The following TBC1D32 variants were observed in gnomAD, a reference collection of about 807,000 sequenced individuals.
The protein encoded by TBC1D32 is TBC1 domain family member 32, also known as protein broad-minded.
TBC1D32 carries 151 observed loss-of-function variants against 170.3 expected under a neutral mutation model. The ratio of observed to expected loss-of-function variants is 0.89; its 90% CI spans 0.78 to 1.01. The LOEUF is 1.01. Among genes scored for constraint, TBC1D32 ranks in the 50% least tolerant of loss-of-function variants. The pLI is 0.00. For synonymous variants in TBC1D32, 498 were observed against 488.0 expected, an observed-to-expected ratio of 1.02 and a Z score of -0.27; for missense variants, 1,464 against 1,457.1, an observed-to-expected ratio of 1.00 and a Z score of -0.08.
intron 24 of TBC1D32, among the ~76,000 whole-genome samples, chr6:121,134,632 C>G (rs988653947): frequency 1.3e-5 from 2 of 152,028 alleles, no homozygotes; most frequent in Non-Finnish European, 2.9e-5. Flanking sequence ...CTTCCCCCAG[C>G]CACCATTGAG....
chr6:121,186,583 C>T (rs1168252706), intron 22 of TBC1D32, among the ~76,000 whole-genome samples: 1 of 151,994 alleles, frequency 6.6e-6, no homozygotes, highest in African/African-American at 2.4e-5. Context: ...ACTGTACTAA[C>T]TAACCATATT....
upstream of TBC1D32, chr6:121,334,527 G>A: frequency 7.1e-7 from 1 of 1,405,674 alleles, no homozygotes; most frequent in Non-Finnish European, 9.5e-7. Flanking sequence ...CCCCGGCTAC[G>A]TGCGGCGTCG....
chr6:121,307,961 T>A lies in TBC1D32; in HGVS notation c.690+15A>T, dbSNP rs1253452160. 6.2e-7 allele frequency: 1 copy of A among 1,604,844 alleles called. No homozygotes were observed. The highest frequency in any genetic ancestry group is 8.5e-7 in the Non-Finnish European group (1 of 1,176,974). On this transcript the variant is annotated intron_variant, in intron 5 of 31. Coordinates refer to ENST00000398212, the MANE Select transcript of TBC1D32 (RefSeq NM_152730.6). ...AAACAAATTATTTTTAATATTTCTA[T>A]AACCATTTTCTTACACTAAACACAG...
intron 22 of TBC1D32, among the ~76,000 whole-genome samples, chr6:121,199,132 T>C (rs954404555): frequency 6.6e-6 from 1 of 151,414 alleles, no homozygotes; most frequent in South Asian, 2.1e-4. Flanking sequence ...AATGTGCCTA[T>C]CCTTTGACTT....
Position 121,252,123 on chromosome 6 carries a change from C to T in TBC1D32, c.2018+3205G>A, listed in dbSNP as rs529173086. Among the ~76,000 whole-genome samples, 10 of 152,120 alleles carry T rather than the reference C, an allele frequency of 6.6e-5. No homozygotes were observed. The South Asian group carries it at 8.3e-4, about 13-fold the overall frequency. ...AATAGGGACGATTTTACACTGTTGG[C>T]GGGAGTGTAAATTAGTTCAACCATT... On this transcript the variant is annotated intron_variant, in intron 17 of 31. Coordinates refer to ENST00000398212, the MANE Select transcript of TBC1D32 (RefSeq NM_152730.6).
At chr6:121,179,686 G>A (rs1170957308) in intron 22 of TBC1D32, among the ~76,000 whole-genome samples, 2 of 152,044 alleles carry the variant, frequency 1.3e-5, no homozygotes, top group Non-Finnish European at 2.9e-5. Flanking sequence ...TAAACATTAT[G>A]TAACAATTTA....
At chr6:121,188,780 A>C (rs1042564320) in intron 22 of TBC1D32, among the ~76,000 whole-genome samples, 4 of 152,120 alleles carry the variant, frequency 2.6e-5, no homozygotes, top group African/African-American at 9.7e-5. Flanking sequence ...TTACTTCAAT[A>C]AAAATAAAAA....
rs1289090935 is a variant in TBC1D32 at position 121,334,436 on chromosome 6, T to G, written c.-6A>C. 1 of 1,612,606 alleles carries G rather than the reference T, an allele frequency of 6.2e-7. No individual in the cohort carries two copies. Among genetic ancestry groups the G allele is most frequent in the Admixed American group, 1.7e-5 (1 of 59,782 alleles). Reference sequence around the variant, plus strand: ...TCGCTGGAGAAATGGGCCATCCTGTTGGAATCAAACGTCCACTCTCATTAC... The same window carrying G: ...TCGCTGGAGAAATGGGCCATCCTGTGGGAATCAAACGTCCACTCTCATTAC... On this transcript the variant is annotated 5_prime_UTR_variant, in exon 1 of 32. Transcript: ENST00000398212.
chr6:121,085,348 TAC>T (rs1390229413), intron 31 of TBC1D32, among the ~76,000 whole-genome samples: 1 of 113,128 alleles, frequency 8.8e-6, no homozygotes, highest in Admixed American at 9.5e-5. Flanking sequence ...TATATATACA[TAC>T]ATATATATAC....
chr6:121,186,818 C>T (rs1259551396), intron 22 of TBC1D32, among the ~76,000 whole-genome samples: 1 of 151,840 alleles, frequency 6.6e-6, no homozygotes, highest in African/African-American at 2.4e-5. Context: ...AGGGTAAGGC[C>T]ATTTTTGTTG....
intron 15 of TBC1D32, among the ~76,000 whole-genome samples, chr6:121,271,779 G>C (rs1036784366): frequency 2.0e-5 from 3 of 151,992 alleles, no homozygotes; most frequent in African/African-American, 7.3e-5. Flanking sequence ...AGTTCATATG[G>C]AATCAAAAAA....
chr6:121,201,806 G>A (rs769857270), intron 22 of TBC1D32, among the ~76,000 whole-genome samples: 4 of 150,846 alleles, frequency 2.7e-5, no homozygotes, highest in South Asian at 2.1e-4. Context: ...AATAATGACC[G>A]TTTTAGAATT....
rs1800911395 is a variant in TBC1D32 at position 121,268,781 on chromosome 6, A to AGTATCTT, written c.1733+10339_1733+10340insAAGATAC. On this transcript the variant is annotated intron_variant, in intron 15 of 31. Transcript: ENST00000398212. ...GAGAACACCACAAAGATACTCCTCA[A>AGTATCTT]GAAGAGCAACTGCAAGACACATAAT... Among the ~76,000 whole-genome samples, 3 of 152,184 alleles carry AGTATCTT rather than the reference A, an allele frequency of 2.0e-5. 1 individual carries two copies. The South Asian group carries it at 6.2e-4, about 31-fold the overall frequency.
intron 31 of TBC1D32, among the ~76,000 whole-genome samples, chr6:121,085,120 T>C: frequency 6.6e-6 from 1 of 151,044 alleles, no homozygotes; most frequent in Non-Finnish European, 1.5e-5. Context: ...TAGAAAGCTC[T>C]TGAGAGAAGG....
intron 27 of TBC1D32, among the ~76,000 whole-genome samples, chr6:121,113,553 T>C (rs1779406574): frequency 6.6e-6 from 1 of 152,262 alleles, no homozygotes. Flanking sequence ...GGTACTTCCC[T>C]CAGGGGCCAC....
At chr6:121,182,803 T>C (rs1042649604) in intron 22 of TBC1D32, among the ~76,000 whole-genome samples, 5 of 151,068 alleles carry the variant, frequency 3.3e-5, no homozygotes, top group African/African-American at 1.2e-4. Context: ...TTCCCAATTA[T>C]GAAAAAAAAT....
At chr6:121,142,734 A>G (rs1340971721) in intron 24 of TBC1D32, among the ~76,000 whole-genome samples, 2 of 152,166 alleles carry the variant, frequency 1.3e-5, no homozygotes, top group Non-Finnish European at 2.9e-5. Context: ...TCTGAGAAAG[A>G]AGTCCTCATT....
chr6:121,198,507 T>C (rs1467738431), intron 22 of TBC1D32, among the ~76,000 whole-genome samples: 1 of 150,420 alleles, frequency 6.6e-6, no homozygotes, highest in Non-Finnish European at 1.5e-5. Flanking sequence ...ATCCCAGCAC[T>C]TTGGGAGGCC....
intron 5 of TBC1D32, 45 bp from the exon 6 acceptor site, chr6:121,304,878 A>C (rs1245578004): frequency 3.9e-6 from 5 of 1,269,394 alleles, no homozygotes; most frequent in Middle Eastern, 4.8e-4. Context: ...TCTCACAAGA[A>C]TAGAATAGAG....
Sources: gnomAD v4.1 joint callset for allele counts (sites outside exome capture counted in the v4.1 genomes callset) on GRCh38, gnomAD v4.1.1 for gene constraint, MANE v1.5 for transcripts, NCBI Gene and HGNC (gene_info 2026-07-23, HGNC 2026-07-21) for gene names.